The following ZBTB41 variants were observed in gnomAD, a reference collection of about 807,000 sequenced individuals.
ZBTB41 encodes the protein zinc finger and BTB domain containing 41, also known as zinc finger and BTB domain-containing protein 41.
A neutral mutation model predicts 87.6 loss-of-function variants in ZBTB41; 42 were observed. The ratio of observed to expected loss-of-function variants is 0.48; its 90% CI spans 0.37 to 0.62. The LOEUF is 0.62. ZBTB41 is among the 20% of genes least tolerant of loss of function. The pLI is 0.00. For missense variants in ZBTB41, 799 were observed against 1,078.9 expected, an observed-to-expected ratio of 0.74 and a Z score of 3.63; for synonymous variants, 364 against 364.0, an observed-to-expected ratio of 1.00 and a Z score of 0.00.
intron 5 of ZBTB41, among the ~76,000 whole-genome samples, chr1:197,186,918 C>T (rs1659901018): frequency 6.6e-6 from 1 of 151,796 alleles, no homozygotes; most frequent in Non-Finnish European, 1.5e-5. Context: ...AAAGACTGAA[C>T]AGACACCACA....
chr1:197,180,968 G>C lies in ZBTB41; in HGVS notation c.1676+20C>G. On this transcript the variant is annotated intron_variant, in intron 6 of 10. Coordinates refer to ENST00000367405, the MANE Select transcript of ZBTB41 (RefSeq NM_194314.3). ...CATAATAGTACTAGGATTTTTGTGG[G>C]TGTGCAGATAATTCTTCACCTTTCT... is the stretch of plus-strand genomic sequence containing the variant. 6.3e-7 allele frequency: 1 copy of C among 1,579,710 alleles called. No individual in the cohort carries two copies. The highest frequency in any genetic ancestry group is 8.5e-7 in the Non-Finnish European group (1 of 1,171,234).
At chr1:197,186,459 G>C (rs1305354844) in intron 5 of ZBTB41, among the ~76,000 whole-genome samples, 1 of 152,150 alleles carries the variant, frequency 6.6e-6, no homozygotes, top group Non-Finnish European at 1.5e-5. Context: ...CTGTCAAGAT[G>C]ATGAAAAGTC....
rs571474837 is a variant in ZBTB41 at position 197,189,432 on chromosome 1, AC to A, written c.1399-994del. 1.9e-3 allele frequency among the ~76,000 whole-genome samples: 291 copies of A among 152,156 alleles called. 1 individual carries two copies. The highest frequency in any genetic ancestry group is 6.8e-3 in the African/African-American group (281 of 41,500). ...TCCCAGCTACTCGGGAGGCTGAGGC[AC>A]AAGAATCACTTGAACCCAGGAGGAG... is the stretch of plus-strand genomic sequence containing the variant. On this transcript the variant is annotated intron_variant, in intron 4 of 10. Transcript: ENST00000367405.
chr1:197,191,573 T>G (rs1660035649), intron 3 of ZBTB41, 119 bp downstream of exon 3: 1 of 756,158 alleles, frequency 1.3e-6, no homozygotes, highest in African/African-American at 1.8e-5. Context: ...AAATACTGTA[T>G]CTCAATGAAT....
chr1:197,179,461 G>A (rs1347435803), intron 6 of ZBTB41, among the ~76,000 whole-genome samples: 1 of 151,960 alleles, frequency 6.6e-6, no homozygotes, highest in Non-Finnish European at 1.5e-5. Context: ...AAGCGACTAT[G>A]TTACTGGTAT....
chr1:197,161,221 G>C (rs1659192506), intron 10 of ZBTB41, among the ~76,000 whole-genome samples: 1 of 152,080 alleles, frequency 6.6e-6, no homozygotes, highest in African/African-American at 2.4e-5. Flanking sequence ...CAAATTTGTG[G>C]TGGTTTGTTA....
At chr1:197,175,431 A>AATATATATATATATGTATATATATAT (rs1659580267) in intron 8 of ZBTB41, among the ~76,000 whole-genome samples, 1 of 71,558 alleles carries the variant, frequency 1.4e-5, no homozygotes, top group African/African-American at 4.0e-5. Flanking sequence ...AGGAATTTTA[A>AATATATATATATATGTATATATATAT]ATATATATAT....
At chr1:197,189,855 T>C (rs925655002) in intron 4 of ZBTB41, among the ~76,000 whole-genome samples, 6 of 152,194 alleles carry the variant, frequency 3.9e-5, no homozygotes, top group African/African-American at 1.4e-4. Flanking sequence ...CTAAGGTTCC[T>C]GGTAAACAGT....
chr1:197,188,330 C>T lies in ZBTB41; in HGVS notation c.1508G>A (p.Arg503Gln). 1.2e-6 allele frequency: 2 copies of T among 1,613,396 alleles called. No homozygotes were observed. The highest frequency in any genetic ancestry group is 1.7e-6 in the Non-Finnish European group (2 of 1,179,806). The change falls in exon 5 of 11, where the codon CGG becomes CAG. Residue 503 changes from arginine (R) to glutamine (Q), a missense_variant. Around this residue, in one of 5 missense-constraint regions of ZBTB41, gnomAD observed 198 missense variants for 358.4 expected, o/e 0.55. Coordinates refer to ENST00000367405, the MANE Select transcript of ZBTB41 (RefSeq NM_194314.3). ...TTCTTGATGCTTTAACCGAGCAAACCGTGATTTAAAATGTTCTTCACAATA... is the reference window on the plus strand; with the variant it reads ...TTCTTGATGCTTTAACCGAGCAAACTGTGATTTAAAATGTTCTTCACAATA... ...CTYCEEHFKS[R>Q]FARLKHQEKF...
chr1:197,177,723 A>G (rs1046690591), intron 7 of ZBTB41, among the ~76,000 whole-genome samples: 5 of 152,078 alleles, frequency 3.3e-5, no homozygotes, highest in Non-Finnish European at 7.4e-5. Flanking sequence ...CTCTATATAT[A>G]TTCTAATGAA....
At chr1:197,181,557 T>C (rs919166135) in intron 5 of ZBTB41, among the ~76,000 whole-genome samples, 1 of 152,204 alleles carries the variant, frequency 6.6e-6, no homozygotes, top group Admixed American at 6.5e-5. Flanking sequence ...ATTAGTTGGA[T>C]ACTGAATTTC....
chr1:197,200,340 G>A lies in ZBTB41; in HGVS notation c.134C>T (p.Pro45Leu). ...TYTHSAGRPTPEALHCYQELP... is the reference protein window; with the variant it reads ...TYTHSAGRPTLEALHCYQELP... ...TTCCTGGTAACAGTGAAGAGCTTCA[G>A]GAGTTGGTCTTCCTGCAGAATGAGT... The change falls in exon 2 of 11, where the codon CCT becomes CTT. Residue 45 changes from proline (P) to leucine (L), a missense_variant. Physicochemically the swap from Pro to Leu is moderately conservative, Grantham distance 98 (BLOSUM62 -3). Around this residue, in one of 5 missense-constraint regions of ZBTB41, gnomAD observed 77 missense variants for 68.4 expected, o/e 1.13. Coordinates refer to ENST00000367405, the MANE Select transcript of ZBTB41 (RefSeq NM_194314.3). 1 of 1,614,186 alleles carries A rather than the reference G, an allele frequency of 6.2e-7. No individual in the cohort carries two copies. Among genetic ancestry groups the A allele is most frequent in the Non-Finnish European group, 8.5e-7 (1 of 1,180,030 alleles).
chr1:197,162,049 G>A (rs1238685016), intron 10 of ZBTB41, among the ~76,000 whole-genome samples: 1 of 152,116 alleles, frequency 6.6e-6, no homozygotes, highest in Admixed American at 6.6e-5. Context: ...CAGTTCTGGT[G>A]TGTAACAAAT....
At chr1:197,165,048 T>A (rs191412290) in intron 10 of ZBTB41, among the ~76,000 whole-genome samples, 2 of 147,784 alleles carry the variant, frequency 1.4e-5, no homozygotes, top group Admixed American at 1.4e-4. Flanking sequence ...TTTACAATCA[T>A]GGTTACAGTA....
At chr1:197,163,636 A>AAC (rs10640606) in intron 10 of ZBTB41, among the ~76,000 whole-genome samples, 10,568 of 148,402 alleles carry the variant, frequency 0.071, 692 homozygotes, top group African/African-American at 0.18. Context: ...CAAAATACAA[A>AAC]ACACACACAC....
chr1:197,171,667 C>T (rs1348662035), intron 10 of ZBTB41, among the ~76,000 whole-genome samples: 1 of 151,974 alleles, frequency 6.6e-6, no homozygotes. Context: ...TGAGGCAAAG[C>T]CTTTTACTAT....
intron 4 of ZBTB41, among the ~76,000 whole-genome samples, chr1:197,190,085 A>AT (rs899205704): frequency 9.9e-5 from 15 of 151,544 alleles, no homozygotes; most frequent in African/African-American, 3.6e-4. Context: ...TGCCCAGCTA[A>AT]TTTTTTTTTA....
At chr1:197,187,140 GAC>G (rs1659905387) in intron 5 of ZBTB41, among the ~76,000 whole-genome samples, 1 of 152,160 alleles carries the variant, frequency 6.6e-6, no homozygotes, top group Non-Finnish European at 1.5e-5. Flanking sequence ...AAGACAATTT[GAC>G]AGTTTCTTAC....
Position 197,199,685 on chromosome 1 carries a change from AAACTT to A in ZBTB41, c.784_788del (p.Lys262Ter). The A allele has an allele frequency of 6.2e-7, 1 of 1,613,550 alleles. No homozygotes were observed. Among genetic ancestry groups the A allele is most frequent in the Non-Finnish European group, 8.5e-7 (1 of 1,179,924 alleles). On this transcript the variant is annotated frameshift_variant, in exon 2 of 11. Transcript: ENST00000367405. LOFTEE classifies it high-confidence loss of function. The stretch of plus-strand genomic sequence containing the variant: ...CCTGTTCATCATCGCTGGTGTCATC[AAACTT>A]AACAGGGCACTTCCGATTCCTTTTT...
Sources: gnomAD v4.1 joint callset for allele counts (sites outside exome capture counted in the v4.1 genomes callset) on GRCh38, gnomAD v4.1.1 for gene constraint, gnomAD v4.1.1 regional missense constraint, MANE v1.5 for transcripts, NCBI Gene and HGNC (gene_info 2026-07-23, HGNC 2026-07-21) for gene names.